Variants in RBFOX1 observed in about 807,000 individuals in gnomAD.
RBFOX1 encodes the protein RNA binding fox-1 homolog 1, also known as RNA binding protein fox-1 homolog 1.
Under a neutral mutation model 57.7 loss-of-function variants are expected in RBFOX1, and 8 were observed. The ratio of observed to expected loss-of-function variants is 0.14; its 90% CI spans 0.08 to 0.25. The LOEUF (loss-of-function observed/expected upper bound fraction) is 0.25, where lower values mean the gene tolerates loss of function less well. RBFOX1 is among the 10% of genes least tolerant of loss of function. The pLI, the probability that RBFOX1 is intolerant of heterozygous loss-of-function variation, is 1.00. For synonymous variants in RBFOX1, 326 were observed against 222.4 expected, an observed-to-expected ratio of 1.47 and a Z score of -4.15; for missense variants, 611 against 548.5, an observed-to-expected ratio of 1.11 and a Z score of -1.14.
At chr16:6,528,896 T>C (rs1364428308) in intron 2 of RBFOX1, among the ~76,000 whole-genome samples, 1 of 152,102 alleles carries the variant, frequency 6.6e-6, no homozygotes, top group African/African-American at 2.4e-5. Flanking sequence ...GTGGAAGAAA[T>C]TGGTGTAGGG....
intron 4 of RBFOX1, among the ~76,000 whole-genome samples, chr16:7,080,515 T>C (rs971989026): frequency 2.6e-5 from 4 of 152,218 alleles, no homozygotes; most frequent in South Asian, 2.1e-4. Context: ...ATGTTTGTTA[T>C]AAAGTTTGCA....
intron 4 of RBFOX1, among the ~76,000 whole-genome samples, chr16:7,371,415 C>T (rs963954055): frequency 1.3e-5 from 2 of 152,104 alleles, no homozygotes; most frequent in East Asian, 1.9e-4. Context: ...TCAGTATCAG[C>T]GGCCATTAGG....
intron 2 of RBFOX1, among the ~76,000 whole-genome samples, chr16:5,523,689 A>C (rs527872551): frequency 6.6e-6 from 1 of 152,382 alleles, no homozygotes; most frequent in African/African-American, 2.4e-5. Flanking sequence ...TTCCTTTGGA[A>C]AAATACCCAG....
chr16:6,948,860 A>G (rs749400654), intron 3 of RBFOX1, among the ~76,000 whole-genome samples: 12 of 152,178 alleles, frequency 7.9e-5, no homozygotes, highest in Admixed American at 3.9e-4. Context: ...CTGTCCGTCT[A>G]TAAACCGATT....
intron 1 of RBFOX1, among the ~76,000 whole-genome samples, chr16:5,340,098 C>G (rs2065001124): frequency 6.6e-6 from 1 of 152,196 alleles, no homozygotes; most frequent in Non-Finnish European, 1.5e-5. Context: ...TATAATTCAT[C>G]CATTTCTTTT....
chr16:7,484,768 T>A (rs899157121), intron 4 of RBFOX1, among the ~76,000 whole-genome samples: 1 of 152,154 alleles, frequency 6.6e-6, no homozygotes, highest in Non-Finnish European at 1.5e-5. Context: ...CTGGCTGGCA[T>A]TGGGTATTTT....
At chr16:7,303,052 A>G (rs1013695426) in intron 4 of RBFOX1, among the ~76,000 whole-genome samples, 14 of 152,348 alleles carry the variant, frequency 9.2e-5, no homozygotes, top group African/African-American at 3.4e-4. Flanking sequence ...ATAATTTGAG[A>G]GGAGCGGGTG....
chr16:6,266,341 C>T (rs1024706579), intron 1 of RBFOX1, among the ~76,000 whole-genome samples: 3 of 152,164 alleles, frequency 2.0e-5, no homozygotes, highest in Admixed American at 1.3e-4. Flanking sequence ...AATGATATTC[C>T]GTTGTGTCTC....
At chr16:5,812,143 A>C (rs1385823763) in intron 3 of RBFOX1, among the ~76,000 whole-genome samples, 1 of 152,182 alleles carries the variant, frequency 6.6e-6, no homozygotes, top group Admixed American at 6.5e-5. Context: ...TTGTGCGGTC[A>C]TGTTCCACTG....
intron 1 of RBFOX1, among the ~76,000 whole-genome samples, chr16:6,275,235 C>A (rs1457074840): frequency 6.6e-6 from 1 of 151,866 alleles, no homozygotes. Context: ...GGTGTGAACC[C>A]AGGAGGTGGA....
intron 2 of RBFOX1, among the ~76,000 whole-genome samples, chr16:6,536,712 C>T (rs2096740357): frequency 6.6e-6 from 1 of 151,890 alleles, no homozygotes; most frequent in Non-Finnish European, 1.5e-5. Flanking sequence ...GTGTCTTAGA[C>T]CCAACAAGTC....
chr16:6,936,117 G>A (rs1197606681), intron 3 of RBFOX1, among the ~76,000 whole-genome samples: 1 of 152,154 alleles, frequency 6.6e-6, no homozygotes, highest in Non-Finnish European at 1.5e-5. Flanking sequence ...TGCTCCGGGG[G>A]TTCAGCTTCT....
intron 2 of RBFOX1, among the ~76,000 whole-genome samples, chr16:6,556,497 G>C (rs2097100131): frequency 6.6e-6 from 1 of 152,132 alleles, no homozygotes; most frequent in Non-Finnish European, 1.5e-5. Flanking sequence ...TTTGTTCCCA[G>C]GAAGTCCACG....
intron 3 of RBFOX1, among the ~76,000 whole-genome samples, chr16:6,957,116 T>TTTTATTTA (rs59003078): frequency 0.016 from 2,297 of 139,236 alleles, 46 homozygotes; most frequent in East Asian, 0.046. Context: ...TTATTTTTAT[T>TTTTATTTA]TTTATTTATT....
chr16:6,836,852 G>C, intron 3 of RBFOX1, among the ~76,000 whole-genome samples: 1 of 152,182 alleles, frequency 6.6e-6, no homozygotes, highest in East Asian at 1.9e-4. Flanking sequence ...CCATGATGCA[G>C]AATACTTACT....
At chr16:5,350,198 T>C (rs114835762) in intron 1 of RBFOX1, among the ~76,000 whole-genome samples, 1 of 152,104 alleles carries the variant, frequency 6.6e-6, no homozygotes, top group African/African-American at 2.4e-5. Flanking sequence ...AGCTGTCTGG[T>C]AAGAAGGTTA....
intron 4 of RBFOX1, among the ~76,000 whole-genome samples, chr16:5,919,768 ACT>A (rs983756157): frequency 1.3e-5 from 2 of 152,084 alleles, no homozygotes; most frequent in South Asian, 2.1e-4. Flanking sequence ...GTTAGGAGTG[ACT>A]CTGCATTCCC....
intron 4 of RBFOX1, among the ~76,000 whole-genome samples, chr16:7,138,387 G>C (rs1158372788): frequency 6.6e-6 from 1 of 152,132 alleles, no homozygotes; most frequent in Non-Finnish European, 1.5e-5. Flanking sequence ...ATGTCACATG[G>C]GCAAGTCATG....
In RBFOX1 at chr16:6,928,727, A is replaced by G. The variant is rs752749480; in HGVS notation, c.-15-123330A>G. ...AAGTAAAAGATTAAAATGTCTGCCA[A>G]TCAATCACGGTTGCATATGTGTGTG... On this transcript the variant is annotated intron_variant, in intron 3 of 15. Transcript: ENST00000550418. 9.7e-4 allele frequency among the ~76,000 whole-genome samples: 147 copies of G among 152,282 alleles called. 1 individual carries two copies. The highest frequency in any genetic ancestry group is 3.2e-3 in the African/African-American group (133 of 41,552).
Sources: gnomAD v4.1 joint callset for allele counts (sites outside exome capture counted in the v4.1 genomes callset) on GRCh38, gnomAD v4.1.1 for gene constraint, MANE v1.5 for transcripts, NCBI Gene and HGNC (gene_info 2026-07-23, HGNC 2026-07-21) for gene names.